CTNNBL1: variants seen among roughly 807,000 people sequenced by gnomAD.
CTNNBL1 encodes beta-catenin-like protein 1.
CTNNBL1 carries 31 observed loss-of-function variants against 72.7 expected under a neutral mutation model. The observed-to-expected ratio is 0.43, with a 90% confidence interval of 0.32 to 0.58. CTNNBL1 has a LOEUF of 0.58. Among genes scored for constraint, CTNNBL1 ranks in the 20% least tolerant of loss-of-function variants. The pLI, the probability that CTNNBL1 is intolerant of heterozygous loss-of-function variation, is 0.08. For synonymous variants in CTNNBL1, 240 were observed against 267.3 expected (o/e 0.90, Z 1.00); for missense variants, 534 against 725.1 (o/e 0.74, Z 3.03).
chr20:37,736,133 G>A (rs2073169623), intron 2 of CTNNBL1, among the ~76,000 whole-genome samples: 1 of 152,050 alleles, frequency 6.6e-6, no homozygotes, highest in Non-Finnish European at 1.5e-5. Flanking sequence ...GCATTCTCTA[G>A]GCAAGGTTAC....
chr20:37,785,575 G>T (rs1342499114), intron 10 of CTNNBL1, among the ~76,000 whole-genome samples: 1 of 152,038 alleles, frequency 6.6e-6, no homozygotes, highest in Non-Finnish European at 1.5e-5. Context: ...TCAGTATGTT[G>T]CATTTTTCTG....
At chr20:37,826,093 G>A (rs2072157373) in intron 11 of CTNNBL1, among the ~76,000 whole-genome samples, 1 of 152,128 alleles carries the variant, frequency 6.6e-6, no homozygotes, top group South Asian at 2.1e-4. Context: ...CATGCCTTCT[G>A]CCCAAGCTCT....
chr20:37,794,570 A>G (rs1003846070), intron 10 of CTNNBL1, among the ~76,000 whole-genome samples: 1 of 151,836 alleles, frequency 6.6e-6, no homozygotes, highest in Non-Finnish European at 1.5e-5. Flanking sequence ...TTGGCTCACT[A>G]CAACCTCTTC....
intron 11 of CTNNBL1, among the ~76,000 whole-genome samples, chr20:37,833,888 G>GGT (rs533939155): frequency 4.9e-4 from 75 of 152,186 alleles, no homozygotes; most frequent in African/African-American, 1.6e-3. Context: ...AATGAAACTC[G>GGT]GTGTGTGTAT....
At chr20:37,815,458 C>T (rs571289005) in intron 11 of CTNNBL1, among the ~76,000 whole-genome samples, 5 of 152,142 alleles carry the variant, frequency 3.3e-5, no homozygotes, top group African/African-American at 9.6e-5. Flanking sequence ...GCTGGGATTA[C>T]AGGCATGCGC....
chr20:37,728,523 G>A (rs747515067), intron 1 of CTNNBL1, among the ~76,000 whole-genome samples: 4 of 152,150 alleles, frequency 2.6e-5, no homozygotes, highest in Admixed American at 6.5e-5. Context: ...GCACTTTGTT[G>A]AAGAAATGAA....
At chr20:37,851,572 A>G (rs1355781315) in intron 13 of CTNNBL1, among the ~76,000 whole-genome samples, 3 of 152,162 alleles carry the variant, frequency 2.0e-5, no homozygotes, top group South Asian at 2.1e-4. Context: ...TTTTTGAACT[A>G]TGAAAGTGAA....
intron 4 of CTNNBL1, 127 bp downstream of exon 4, chr20:37,746,734 T>C (rs1420585679): frequency 8.2e-7 from 1 of 1,223,308 alleles, no homozygotes; most frequent in Non-Finnish European, 1.2e-6. Flanking sequence ...TCTAATTATC[T>C]TCTGTCTTGA....
At chr20:37,745,800 C>T (rs891729225) in intron 3 of CTNNBL1, among the ~76,000 whole-genome samples, 10 of 152,116 alleles carry the variant, frequency 6.6e-5, no homozygotes, top group Admixed American at 1.3e-4. Flanking sequence ...TGTCAAACAC[C>T]GGGGGAGGGC....
intron 1 of CTNNBL1, among the ~76,000 whole-genome samples, chr20:37,703,683 T>C (rs532504181): frequency 3.9e-5 from 6 of 152,232 alleles, no homozygotes; most frequent in Admixed American, 3.3e-4. Context: ...TGGCCAGCTT[T>C]GCATTTCAGT....
intron 5 of CTNNBL1, among the ~76,000 whole-genome samples, chr20:37,760,207 CT>C (rs1176940819): frequency 6.6e-6 from 1 of 152,104 alleles, no homozygotes; most frequent in African/African-American, 2.4e-5. Flanking sequence ...GGGTATATTG[CT>C]TTGATGGCAA....
At chr20:37,828,849 G>A (rs1463121953) in intron 11 of CTNNBL1, among the ~76,000 whole-genome samples, 1 of 152,172 alleles carries the variant, frequency 6.6e-6, no homozygotes, top group Non-Finnish European at 1.5e-5. Context: ...TTCTTGGGTT[G>A]CCACATCCCC....
intron 1 of CTNNBL1, among the ~76,000 whole-genome samples, chr20:37,715,968 T>C (rs1014428038): frequency 6.6e-6 from 1 of 151,766 alleles, no homozygotes; most frequent in East Asian, 1.9e-4. Context: ...TATAGTAATA[T>C]GTAGTATTGT....
At chr20:37,840,978 T>C (rs556661297) in intron 12 of CTNNBL1, among the ~76,000 whole-genome samples, 22 of 152,310 alleles carry the variant, frequency 1.4e-4, no homozygotes, top group Non-Finnish European at 2.8e-4. Context: ...CACAGTGACA[T>C]GAGATTAGAT....
chr20:37,786,345 G>C (rs2073673042), intron 10 of CTNNBL1, among the ~76,000 whole-genome samples: 1 of 152,184 alleles, frequency 6.6e-6, no homozygotes, highest in Non-Finnish European at 1.5e-5. Context: ...CTTCCCTTCA[G>C]GACAGCAAGT....
At chr20:37,738,090 CAT>C (rs1224041780) in intron 3 of CTNNBL1, among the ~76,000 whole-genome samples, 1 of 152,216 alleles carries the variant, frequency 6.6e-6, no homozygotes, top group African/African-American at 2.4e-5. Context: ...CCGCAGTTAA[CAT>C]ATTAACTCTC....
rs6125949 is a variant in CTNNBL1, at chr20:37,708,794, T to G, written c.30+14642T>G. 4.5e-3 allele frequency among the ~76,000 whole-genome samples: 691 copies of G among 152,290 alleles called. 9 individuals carry two copies. The highest frequency in any genetic ancestry group is 0.017 in the East Asian group (88 of 5,174). On this transcript the variant is annotated intron_variant, in intron 1 of 15. Transcript: ENST00000361383. ...GCAGATTATGTGCACTGGCTCTTTG[T>G]ACTTCCTTTCAACAGCTACCCAGCA...
chr20:37,731,531 G>A (rs1013112992), intron 1 of CTNNBL1, among the ~76,000 whole-genome samples: 3 of 152,120 alleles, frequency 2.0e-5, no homozygotes, highest in Non-Finnish European at 4.4e-5. Context: ...CACCGCACCC[G>A]GCCTTACTGA....
Position 37,732,961 on chromosome 20 carries a change from G to A in CTNNBL1, c.113G>A (p.Arg38His), listed in dbSNP as rs772739877. 54 of 1,613,976 alleles carry A rather than the reference G, an allele frequency of 3.3e-5. No homozygotes were observed. In the South Asian group the frequency reaches 4.2e-4, roughly 12 times the overall value. ...MRRKQTGTRE[R>H]GRYREEEMTV... ...CGGAAACAAACTGGTACTCGAGAACGCGGCCGCTATCGGGAAGAAGAAATG... is the reference window on the plus strand; with the variant it reads ...CGGAAACAAACTGGTACTCGAGAACACGGCCGCTATCGGGAAGAAGAAATG... Residue 38 changes from arginine (R) to histidine (H), a missense_variant, in exon 2 of 16, where the codon CGC becomes CAC. Transcript: ENST00000361383.
Sources: gnomAD v4.1 joint callset for allele counts (sites outside exome capture counted in the v4.1 genomes callset) on GRCh38, gnomAD v4.1.1 for gene constraint, MANE v1.5 for transcripts, NCBI Gene and HGNC (gene_info 2026-07-23, HGNC 2026-07-21) for gene names.